FUCA1: variants seen among roughly 807,000 people sequenced by gnomAD.
FUCA1 encodes the protein tissue alpha-L-fucosidase.
FUCA1 carries 52 observed loss-of-function variants against 56.8 expected under a neutral mutation model. The ratio of observed to expected loss-of-function variants is 0.92; its 90% CI spans 0.73 to 1.15. The LOEUF (loss-of-function observed/expected upper bound fraction) is 1.15, where lower values mean the gene tolerates loss of function less well. Ranked by LOEUF, FUCA1 falls within the 50% of genes most tolerant of loss-of-function variation. FUCA1 has a pLI of 0.00. For synonymous variants in FUCA1, 230 were observed against 226.6 expected, an observed-to-expected ratio of 1.02 and a Z score of -0.14; for missense variants, 568 against 592.6, an observed-to-expected ratio of 0.96 and a Z score of 0.43.
At chr1:23,860,600 A>AAC (rs1639487591) in intron 3 of FUCA1, among the ~76,000 whole-genome samples, 2 of 150,260 alleles carry the variant, frequency 1.3e-5, no homozygotes, top group African/African-American at 4.9e-5. Context: ...AAAAAAAAAA[A>AAC]ACACACAGCA....
rs1299243928 is a variant in FUCA1, at chr1:23,867,448, T to C, written c.389+450A>G. On this transcript the variant is annotated intron_variant, in intron 1 of 7. Coordinates refer to ENST00000374479, the MANE Select transcript of FUCA1 (RefSeq NM_000147.5). The surrounding 1 kb of genome is among the most constrained non-coding windows in gnomAD (Gnocchi z 4.9). ...CCCTCTCTTTCCCTCTTAGAGACAT[T>C]AGGGCTCAAAGGGTTGTATCCTTAT... Among the ~76,000 whole-genome samples the C allele has an allele frequency of 1.3e-5, 2 of 152,170 alleles. No individual in the cohort carries two copies.
chr1:23,850,427 A>G (rs1012119951), intron 5 of FUCA1, among the ~76,000 whole-genome samples: 3 of 151,696 alleles, frequency 2.0e-5, no homozygotes, highest in Non-Finnish European at 4.4e-5. Flanking sequence ...TTTCCTATGT[A>G]GTTAATTTTA....
In FUCA1 at chr1:23,859,808, C is replaced by T. The variant is rs1390390393; in HGVS notation, c.758G>A (p.Ser253Asn). The change falls in exon 4 of 8, where the codon AGC becomes AAC. Residue 253 changes from serine to asparagine, a missense_variant. Ser to Asn is a conservative substitution (Grantham distance 46). Transcript: ENST00000374479. ...TNFLSWLYND[S>N]PVKDEVVVND... ...CATATAATCACATACCTTGACAGGG[C>T]TGTCATTGTAGAGCCATGAAAGAAA... 4 of 1,600,380 alleles carry T rather than the reference C, an allele frequency of 2.5e-6. No homozygotes were observed. Among genetic ancestry groups the T allele is most frequent in the East Asian group, 2.2e-5 (1 of 44,814 alleles).
At position 23,852,939 on chromosome 1, in the gene FUCA1, C is replaced by T. The variant is rs533021205; in HGVS notation, c.969+1421G>A. ...GGAGCGTCTCTGCCTGGCCGCCCAT[C>T]GTCTGGGACGTGAGGAGCCCCTCTG... On this transcript the variant is annotated intron_variant, in intron 5 of 7. Coordinates refer to ENST00000374479, the MANE Select transcript of FUCA1 (RefSeq NM_000147.5). Among the ~76,000 whole-genome samples, 1,035 of 150,588 alleles carry T rather than the reference C, an allele frequency of 6.9e-3. 5 individuals are homozygous for T. The highest frequency in any genetic ancestry group is 0.012 in the Non-Finnish European group (800 of 67,584).
At position 23,865,551 on chromosome 1, in the gene FUCA1, G is replaced by GAGTTCC. The variant is rs768039565; in HGVS notation, c.458_463dup (p.Trp153_Asn154dup). On this transcript the variant is annotated inframe_insertion, in exon 2 of 8. Coordinates refer to ENST00000374479, the MANE Select transcript of FUCA1 (RefSeq NM_000147.5). ...ATCCCGATGAGGCCCCACGTCTTTG[G>GAGTTCC]AGTTCCAGTTCCAAGACACAGGACT... The GAGTTCC allele has an allele frequency of 5.6e-6, 9 of 1,614,200 alleles. No individual in the cohort carries two copies. The highest frequency in any genetic ancestry group is 8.5e-7 in the Non-Finnish European group (1 of 1,180,034).
intron 5 of FUCA1, among the ~76,000 whole-genome samples, chr1:23,852,078 G>GTAA (rs1410102992): frequency 0.27 from 39,555 of 145,002 alleles, 5,878 homozygotes; most frequent in Non-Finnish European, 0.33. Context: ...ATGTTAGAAG[G>GTAA]TAATAATAAT....
chr1:23,853,035 A>ATCCCATCTAGGAAGTGAGGAGCG (rs1557508705), intron 5 of FUCA1, among the ~76,000 whole-genome samples: 96 of 134,186 alleles, frequency 7.2e-4, no homozygotes, highest in Middle Eastern at 3.9e-3. Flanking sequence ...AGTGAGGAGC[A>ATCCCATCTAGGAAGTGAGGAGCG]CCTCTTCCCG....
chr1:23,852,998 T>C (rs1336190151), intron 5 of FUCA1, among the ~76,000 whole-genome samples: 3 of 148,104 alleles, frequency 2.0e-5, no homozygotes, highest in African/African-American at 7.6e-5. Flanking sequence ...GAGGAGCGTC[T>C]CTGCCCGGCC....
At chr1:23,857,590 C>T (rs1174774205) in intron 4 of FUCA1, among the ~76,000 whole-genome samples, 2 of 152,038 alleles carry the variant, frequency 1.3e-5, no homozygotes, top group African/African-American at 2.4e-5. Flanking sequence ...CTCCGCCTCC[C>T]GGGTTTAAGC....
At chr1:23,864,340 G>A (rs1301532330) in intron 2 of FUCA1, among the ~76,000 whole-genome samples, 2 of 151,768 alleles carry the variant, frequency 1.3e-5, no homozygotes, top group Non-Finnish European at 2.9e-5. Context: ...CACCCGCCTC[G>A]GCCTCCCAAA....
intron 4 of FUCA1, among the ~76,000 whole-genome samples, chr1:23,858,746 TTTTC>T (rs1303352349): frequency 5.9e-5 from 9 of 152,166 alleles, no homozygotes; most frequent in Non-Finnish European, 1.3e-4. Context: ...ATCTTATATG[TTTTC>T]TTTATTTTTA....
At chr1:23,852,620 T>C (rs1292231489) in intron 5 of FUCA1, among the ~76,000 whole-genome samples, 11 of 152,180 alleles carry the variant, frequency 7.2e-5, no homozygotes, top group South Asian at 2.1e-4. Context: ...CGATTGCAGG[T>C]GCGCGCCACC....
At position 23,848,675 on chromosome 1, in the gene FUCA1, T is replaced by C. The variant is rs1395208337; in HGVS notation, c.1134A>G (p.Gln378=). The C allele has an allele frequency of 2.5e-6, 4 of 1,614,156 alleles. No homozygotes were observed. Among genetic ancestry groups the C allele is most frequent in the South Asian group, 1.1e-5 (1 of 91,090 alleles). The stretch of plus-strand genomic sequence containing the variant: ...ATACAGATGTTGTGTTCTTTTCCCA[T>C]TGCACCCGCCATGGTTTGGAGGCAT... ...AIYASKPWRV[Q]WEKNTTSVWY... is the part of the protein sequence containing the mutation. Residue 378 remains glutamine, a synonymous_variant, in exon 6 of 8, where the codon CAA becomes CAG. Coordinates refer to ENST00000374479, the MANE Select transcript of FUCA1 (RefSeq NM_000147.5).
At chr1:23,849,918 G>T (rs1639222921) in intron 5 of FUCA1, among the ~76,000 whole-genome samples, 1 of 151,986 alleles carries the variant, frequency 6.6e-6, no homozygotes, top group African/African-American at 2.4e-5. Flanking sequence ...AGTGGGATTT[G>T]GGTGTGTGTG....
chr1:23,865,523 C>G lies in FUCA1; in HGVS notation c.492G>C (p.Leu164Phe), dbSNP rs754110650. The G allele has an allele frequency of 8.1e-6, 13 of 1,614,078 alleles. No homozygotes were observed. Among genetic ancestry groups the G allele is most frequent in the African/African-American group, 2.7e-5 (2 of 74,928 alleles). Residue 164 changes from leucine (L) to phenylalanine (F), a missense_variant, in exon 2 of 8, where the codon TTG becomes TTC. Physicochemically the swap from Leu to Phe is conservative, Grantham distance 22 (BLOSUM62 0). Coordinates refer to ENST00000374479, the MANE Select transcript of FUCA1 (RefSeq NM_000147.5). ...NSKDVGPHRD[L>F]VGELGTALRK... ...GGAGAGCTGTTCCCAATTCACCAAC[C>G]AAATCCCGATGAGGCCCCACGTCTT...
In FUCA1 at chr1:23,845,750, ACT is replaced by A. The variant is rs775365541; in HGVS notation, c.1364_1365del (p.Glu455ValfsTer15). On this transcript the variant is annotated frameshift_variant, in exon 8 of 8. Coordinates refer to ENST00000374479, the MANE Select transcript of FUCA1 (RefSeq NM_000147.5). LOFTEE classifies it high-confidence loss of function. ...CCTGTCAGCTTTATAGTCCAAGCAA[ACT>A]CTGCGGGGACAGCAGAGGGTGGCAA... The part of the protein sequence containing the change: ...PQLPPSAVPA[E>X]FAWTIKLTGV... The A allele has an allele frequency of 3.7e-6, 6 of 1,614,184 alleles. No individual in the cohort carries two copies. The highest frequency in any genetic ancestry group is 1.3e-5 in the African/African-American group (1 of 75,044).
chr1:23,863,863 A>G (rs931604583), intron 2 of FUCA1, among the ~76,000 whole-genome samples: 2 of 152,122 alleles, frequency 1.3e-5, no homozygotes, highest in African/African-American at 4.8e-5. Flanking sequence ...AAACAAAAAC[A>G]AAACAAAACA....
In FUCA1 at chr1:23,865,583, G is replaced by C. The variant is rs759903499; in HGVS notation, c.432C>G (p.Asn144Lys). The C allele has an allele frequency of 1.7e-5, 27 of 1,614,238 alleles. No homozygotes were observed. The highest frequency in any genetic ancestry group is 2.3e-5 in the Non-Finnish European group (27 of 1,180,052). ...AGTTCCAAGACACAGGACTCGGCCA[G>C]TTTGTGAAGCCTTCGTGATGCTTTG... is the stretch of plus-strand genomic sequence containing the variant. ...LTTKHHEGFT[N>K]WPSPVSWNWN... The change falls in exon 2 of 8, where the codon AAC becomes AAG. Residue 144 changes from asparagine to lysine, a missense_variant. Coordinates refer to ENST00000374479, the MANE Select transcript of FUCA1 (RefSeq NM_000147.5).
chr1:23,850,939 T>G (rs1161987553), intron 5 of FUCA1, among the ~76,000 whole-genome samples: 1 of 151,744 alleles, frequency 6.6e-6, no homozygotes, highest in Non-Finnish European at 1.5e-5. Context: ...ATATGTAACT[T>G]TATTAAAAAT....
Sources: gnomAD v4.1 joint callset for allele counts (sites outside exome capture counted in the v4.1 genomes callset) on GRCh38, gnomAD v4.1.1 for gene constraint, Gnocchi (gnomAD v3.1) non-coding constraint, MANE v1.5 for transcripts, NCBI Gene and HGNC (gene_info 2026-07-23, HGNC 2026-07-21) for gene names.